The following PADI6 variants were observed in gnomAD, a reference collection of about 807,000 sequenced individuals.
PADI6 encodes peptidyl arginine deiminase 6, also known as inactive protein-arginine deiminase type-6.
Under a neutral mutation model 78.2 loss-of-function variants are expected in PADI6, and 66 were observed. That is an observed-to-expected ratio of 0.84 (90% CI 0.69 to 1.04). PADI6 has a LOEUF of 1.04. PADI6 is among the 50% of genes least tolerant of loss of function. The pLI is 0.00. For synonymous variants in PADI6, 397 were observed against 346.9 expected (o/e 1.14, Z -1.60); for missense variants, 854 against 866.1 (o/e 0.99, Z 0.18).
chr1:17,378,071 A>AT (rs2075036261), intron 3 of PADI6, among the ~76,000 whole-genome samples: 2 of 151,376 alleles, frequency 1.3e-5, no homozygotes, highest in South Asian at 2.1e-4. Context: ...TGGGCTTCCT[A>AT]TTTCCCCTAA....
chr1:17,382,317 C>T (rs2075080312), intron 6 of PADI6, among the ~76,000 whole-genome samples: 1 of 152,212 alleles, frequency 6.6e-6, no homozygotes, highest in African/African-American at 2.4e-5. Context: ...CTCTAAGCCA[C>T]TTTCTCCACT....
chr1:17,375,305 G>C (rs558104249), intron 2 of PADI6, 122 bp from the exon 3 acceptor site: 2 of 868,750 alleles, frequency 2.3e-6, no homozygotes, highest in Admixed American at 2.2e-5. Context: ...TCATAGGTGA[G>C]ACTTCAGAAG....
intron 3 of PADI6, among the ~76,000 whole-genome samples, chr1:17,377,500 G>A (rs1445696294): frequency 6.6e-6 from 1 of 152,142 alleles, no homozygotes; most frequent in African/African-American, 2.4e-5. Context: ...ACCCGACTTG[G>A]ATATTGCCTA....
intron 13 of PADI6, 139 bp downstream of exon 13, chr1:17,395,802 G>T: frequency 8.4e-7 from 1 of 1,191,994 alleles, no homozygotes; most frequent in Non-Finnish European, 1.1e-6. Context: ...ATATTAGAAC[G>T]TCTTATTTCT....
At position 17,388,633 on chromosome 1, in the gene PADI6, C is replaced by T. The variant is rs116014042; in HGVS notation, c.858+74C>T. 7.8e-5 allele frequency: 116 copies of T among 1,486,938 alleles called. No individual in the cohort carries two copies. The African/African-American group carries it at 1.4e-3, about 18-fold the overall frequency. 92.1% of individuals were successfully genotyped at this position (1,486,938 alleles called of 1,614,324 possible). ...GGAAAAGCCATCTCCCACAGTTGGG[C>T]AGAGCTTGAGGTTTGCTGGGGGAGA... On this transcript the variant is annotated intron_variant, in intron 7 of 15. Coordinates refer to ENST00000619609, the MANE Select transcript of PADI6 (RefSeq NM_207421.4).
chr1:17,375,975 C>CTTTTTTTTTTTTTTTTTTT lies in PADI6; in HGVS notation c.367+485_367+486insTTTTTTTTTTTTTTTTTTT, dbSNP rs575076756. On this transcript the variant is annotated intron_variant, in intron 3 of 15. Coordinates refer to ENST00000619609, the MANE Select transcript of PADI6 (RefSeq NM_207421.4). ...TCAGGAACAAGCTCTATAACATCTA[C>CTTTTTTTTTTTTTTTTTTT]TTTTTTTTTCTTTTTTTTCTGAGAT... Among the ~76,000 whole-genome samples, 111 of 150,278 alleles carry CTTTTTTTTTTTTTTTTTTT rather than the reference C, an allele frequency of 7.4e-4. 2 individuals are homozygous for CTTTTTTTTTTTTTTTTTTT. Among genetic ancestry groups the CTTTTTTTTTTTTTTTTTTT allele is most frequent in the African/African-American group, 2.6e-3 (104 of 40,220 alleles).
chr1:17,380,671 A>T (rs1036684073), intron 4 of PADI6, among the ~76,000 whole-genome samples: 10 of 127,314 alleles, frequency 7.9e-5, no homozygotes, highest in Non-Finnish European at 1.4e-4. Flanking sequence ...CTAGCTCACT[A>T]AAAAAAAAAC....
intron 1 of PADI6, 59 bp downstream of exon 1, chr1:17,372,420 C>G (rs2074971253): frequency 2.0e-6 from 3 of 1,489,488 alleles, no homozygotes; most frequent in African/African-American, 1.4e-5. Flanking sequence ...GGCCTGGGAC[C>G]CAGTCCCCTT....
At chr1:17,398,648 T>TCCCCTGCCCCCCCCCCCC in intron 14 of PADI6, 38 bp from the exon 15 acceptor site, 5 of 193,326 alleles carry the variant, frequency 2.6e-5, no homozygotes, top group South Asian at 1.3e-4. Context: ...CTCTCCTTGC[T>TCCCCTGCCCCCCCCCCCC]CCCCCGCCCC....
intron 4 of PADI6, 25 bp downstream of exon 4, chr1:17,380,012 A>AG: frequency 6.2e-7 from 1 of 1,612,316 alleles, no homozygotes; most frequent in Non-Finnish European, 8.5e-7. Flanking sequence ...AAAAGGGGGC[A>AG]GGGAAGGGGC....
Position 17,394,430 on chromosome 1 carries a change from T to A in PADI6, c.1313T>A (p.Leu438His). Residue 438 changes from leucine to histidine, a missense_variant, in exon 11 of 16, where the codon CTC (leucine) becomes CAC (histidine). Physicochemically the swap from Leu to His is moderately conservative, Grantham distance 99 (BLOSUM62 -3). Transcript: ENST00000619609. ...AAAGAGTACCCGCTGGGCAGAGTCC[T>A]CATTGGCAGCAGCTTTTACCCCAGG... ...QGKEYPLGRV[L>H]IGSSFYPSAE... The A allele has an allele frequency of 6.2e-7, 1 of 1,613,404 alleles. No homozygotes were observed.
chr1:17,383,266 CT>C (rs1245404219), intron 6 of PADI6, among the ~76,000 whole-genome samples: 1 of 152,244 alleles, frequency 6.6e-6, no homozygotes, highest in Non-Finnish European at 1.5e-5. Context: ...TCCATCTCTT[CT>C]GCAGACCATA....
intron 15 of PADI6, among the ~76,000 whole-genome samples, chr1:17,399,048 G>A (rs979209030): frequency 1.3e-5 from 2 of 152,148 alleles, no homozygotes; most frequent in African/African-American, 4.8e-5. Flanking sequence ...AAGGCTTGGA[G>A]GTTCCCCAGG....
intron 6 of PADI6, among the ~76,000 whole-genome samples, chr1:17,385,525 A>G (rs569329455): frequency 6.6e-6 from 1 of 152,026 alleles, no homozygotes; most frequent in Non-Finnish European, 1.5e-5. Flanking sequence ...ATCGGAAGGC[A>G]TTGTCTGCCT....
intron 5 of PADI6, 56 bp from the exon 6 acceptor site, chr1:17,381,911 C>T (rs1292790770): frequency 6.2e-7 from 1 of 1,605,880 alleles, no homozygotes; most frequent in African/African-American, 1.3e-5. Flanking sequence ...CTTCCCTCCA[C>T]CCCCAGAGTG....
chr1:17,372,909 TG>T, intron 1 of PADI6, 146 bp from the exon 2 acceptor site: 1 of 745,598 alleles, frequency 1.3e-6, no homozygotes, highest in East Asian at 2.8e-5. Context: ...TGGGAGGGGG[TG>T]GGTAGGAATA....
chr1:17,380,418 A>G (rs2075061449), intron 4 of PADI6, among the ~76,000 whole-genome samples: 1 of 152,110 alleles, frequency 6.6e-6, no homozygotes. Flanking sequence ...CCCAGGCTGG[A>G]GTGCAGTGGC....
intron 6 of PADI6, among the ~76,000 whole-genome samples, chr1:17,385,163 G>A (rs2100302246): frequency 6.6e-6 from 1 of 151,350 alleles, no homozygotes; most frequent in East Asian, 1.9e-4. Context: ...TGGAATACAG[G>A]TGAGTCTGTG....
At chr1:17,373,498 TTATTA>T (rs2074984516) in intron 2 of PADI6, among the ~76,000 whole-genome samples, 3 of 108,594 alleles carry the variant, frequency 2.8e-5, no homozygotes, top group Admixed American at 9.3e-5. Context: ...CATTTATTTA[TTATTA>T]TTTTTTTTTT....
Sources: allele counts gnomAD v4.1 joint callset (sites outside exome capture counted in the v4.1 genomes callset), GRCh38; gene constraint gnomAD v4.1.1; transcripts MANE v1.5; gene names NCBI Gene and HGNC (gene_info 2026-07-23, HGNC 2026-07-21).